The following RPSA2 variants were observed in gnomAD, a reference collection of about 807,000 sequenced individuals.
RPSA2 encodes the protein small ribosomal subunit protein uS2B.
the RPSA2 span, among the ~76,000 whole-genome samples, chr19:23,840,317 T>C: frequency 2.0e-5 from 3 of 152,208 alleles, no homozygotes; most frequent in African/African-American, 2.4e-5. Flanking sequence ...CTTTATTCTC[T>C]CCATCCAGGC....
At chr19:23,785,472 C>G in the RPSA2 span, among the ~76,000 whole-genome samples, 4 of 152,146 alleles carry the variant, frequency 2.6e-5, no homozygotes, top group South Asian at 8.3e-4. Context: ...AAAATTATCA[C>G]TAGGCCCAGG....
At chr19:23,775,341 C>T in the RPSA2 span, among the ~76,000 whole-genome samples, 39 of 152,096 alleles carry the variant, frequency 2.6e-4, no homozygotes, top group Non-Finnish European at 7.3e-5. Flanking sequence ...ATTAATAAGC[C>T]TAGCTTATAG....
the RPSA2 span, among the ~76,000 whole-genome samples, chr19:23,822,051 C>T: frequency 6.6e-6 from 1 of 152,178 alleles, no homozygotes; most frequent in Non-Finnish European, 1.5e-5. Flanking sequence ...ATTCACCATG[C>T]ACTGATTTTC....
chr19:23,779,115 C>T, the RPSA2 span, among the ~76,000 whole-genome samples: 1 of 148,846 alleles, frequency 6.7e-6, no homozygotes, highest in African/African-American at 2.5e-5. Context: ...ATTCTCCTGC[C>T]TCAGCCTCCC....
the RPSA2 span, among the ~76,000 whole-genome samples, chr19:23,863,810 A>T: frequency 6.6e-6 from 1 of 152,064 alleles, no homozygotes; most frequent in South Asian, 2.1e-4. Flanking sequence ...AGTGTTAACC[A>T]CTCCACTTCC....
the RPSA2 span, among the ~76,000 whole-genome samples, chr19:23,788,200 C>T: frequency 6.6e-6 from 1 of 151,962 alleles, no homozygotes; most frequent in Non-Finnish European, 1.5e-5. Context: ...CATGCCAAGG[C>T]CTTGCCTACT....
At chr19:23,804,730 A>G in the RPSA2 span, among the ~76,000 whole-genome samples, 1 of 152,190 alleles carries the variant, frequency 6.6e-6, no homozygotes, top group Non-Finnish European at 1.5e-5. Context: ...GAGTGGGGCC[A>G]AATTTACGAA....
chr19:23,840,374 T>A, the RPSA2 span, among the ~76,000 whole-genome samples: 1 of 152,190 alleles, frequency 6.6e-6, no homozygotes, highest in Non-Finnish European at 1.5e-5. Flanking sequence ...CGTGAAATAT[T>A]GAAAGTATTC....
At chr19:23,841,278 C>T in the RPSA2 span, among the ~76,000 whole-genome samples, 1 of 152,058 alleles carries the variant, frequency 6.6e-6, no homozygotes, top group Non-Finnish European at 1.5e-5. Flanking sequence ...TCCTGGCTAA[C>T]ATGGTGAAAC....
chr19:23,832,929 C>A, the RPSA2 span: 2 of 1,521,784 alleles, frequency 1.3e-6, no homozygotes, highest in Admixed American at 3.6e-5. Context: ...TGTCTTCAAG[C>A]TTTACTAAAC....
the RPSA2 span, among the ~76,000 whole-genome samples, chr19:23,835,631 T>C: frequency 2.6e-5 from 4 of 152,070 alleles, no homozygotes; most frequent in South Asian, 8.3e-4. Context: ...TTTTTTGTTG[T>C]TGTTGTTCTT....
chr19:23,860,430 AG>A, the RPSA2 span, among the ~76,000 whole-genome samples: 1 of 152,178 alleles, frequency 6.6e-6, no homozygotes, highest in Non-Finnish European at 1.5e-5. Context: ...CACATGTGAG[AG>A]TATCACCTTT....
chr19:23,821,377 G>A, the RPSA2 span, among the ~76,000 whole-genome samples: 1 of 152,182 alleles, frequency 6.6e-6, no homozygotes, highest in Non-Finnish European at 1.5e-5. Context: ...TTTCACTCAT[G>A]GGCCTATAGA....
At chr19:23,822,133 T>C in the RPSA2 span, among the ~76,000 whole-genome samples, 6 of 152,198 alleles carry the variant, frequency 3.9e-5, no homozygotes, top group African/African-American at 1.4e-4. Flanking sequence ...TGGCTAGGGC[T>C]CCCATCAATT....
chr19:23,847,520 G>C, the RPSA2 span, among the ~76,000 whole-genome samples: 9 of 152,192 alleles, frequency 5.9e-5, 1 homozygote, highest in Admixed American at 4.6e-4. Context: ...GATTTCAAAA[G>C]GGGAGGGGGT....
chr19:23,825,087 C>A, the RPSA2 span, among the ~76,000 whole-genome samples: 1 of 151,988 alleles, frequency 6.6e-6, no homozygotes. Context: ...TCATGCCATT[C>A]TCTTGCCTCA....
chr19:23,823,225 G>C, the RPSA2 span, among the ~76,000 whole-genome samples: 1 of 152,058 alleles, frequency 6.6e-6, no homozygotes, highest in Non-Finnish European at 1.5e-5. Context: ...CATGCTAATC[G>C]GGTGGGTTTT....
chr19:23,784,221 C>T, the RPSA2 span, among the ~76,000 whole-genome samples: 3 of 152,248 alleles, frequency 2.0e-5, no homozygotes, highest in African/African-American at 7.2e-5. Context: ...TTACCACTCT[C>T]TCACATCTGT....
chr19:23,867,093 C>A, the RPSA2 span, among the ~76,000 whole-genome samples: 1 of 152,162 alleles, frequency 6.6e-6, no homozygotes, highest in Non-Finnish European at 1.5e-5. Context: ...CAACTACATG[C>A]AAAATCTATC....
Sources: gnomAD v4.1 joint callset for allele counts (sites outside exome capture counted in the v4.1 genomes callset) on GRCh38, gnomAD v4.1.1 for gene constraint, MANE v1.5 for transcripts, NCBI Gene and HGNC (gene_info 2026-07-23, HGNC 2026-07-21) for gene names.